SMARCC1: variants seen among roughly 807,000 people sequenced by gnomAD.
SMARCC1 encodes SWI/SNF related BAF chromatin remodeling complex subunit C1.
SMARCC1 carries 43 observed loss-of-function variants against 147.4 expected under a neutral mutation model. That is an observed-to-expected ratio of 0.29 (90% CI 0.23 to 0.38). The LOEUF is 0.38. Among genes scored for constraint, SMARCC1 ranks in the 10% least tolerant of loss-of-function variants. SMARCC1 has a pLI of 1.00. For synonymous variants in SMARCC1, 495 were observed against 484.4 expected (o/e 1.02, Z -0.29); for missense variants, 1,119 against 1,381.1 (o/e 0.81, Z 3.01).
At chr3:47,711,387 TATAC>T (rs980318619) in intron 8 of SMARCC1, among the ~76,000 whole-genome samples, 56 of 152,194 alleles carry the variant, frequency 3.7e-4, no homozygotes, top group African/African-American at 1.3e-3. Flanking sequence ...TAGATGTATA[TATAC>T]ATATAGATAG....
chr3:47,646,281 AG>A (rs2033120377), intron 21 of SMARCC1, among the ~76,000 whole-genome samples: 1 of 152,224 alleles, frequency 6.6e-6, no homozygotes, highest in Non-Finnish European at 1.5e-5. Context: ...AAAAAGAAAA[AG>A]TCTCTCTTTG....
chr3:47,751,600 A>G (rs1233480292), intron 2 of SMARCC1, among the ~76,000 whole-genome samples: 1 of 152,140 alleles, frequency 6.6e-6, no homozygotes, highest in East Asian at 1.9e-4. Context: ...AAATATACAT[A>G]AAAGTAGTGT....
At chr3:47,641,665 CA>C (rs1192169192) in intron 21 of SMARCC1, among the ~76,000 whole-genome samples, 5 of 151,258 alleles carry the variant, frequency 3.3e-5, no homozygotes, top group East Asian at 1.9e-4. Context: ...GATATGCTAA[CA>C]AAAAAAATCT....
At chr3:47,687,160 A>C (rs2033735972) in intron 13 of SMARCC1, among the ~76,000 whole-genome samples, 1 of 152,224 alleles carries the variant, frequency 6.6e-6, no homozygotes, top group South Asian at 2.1e-4. Flanking sequence ...AAAAGGAATA[A>C]ATTTAAAGCA....
chr3:47,679,751 A>G (rs1211648287), intron 15 of SMARCC1, among the ~76,000 whole-genome samples: 1 of 151,720 alleles, frequency 6.6e-6, no homozygotes, highest in African/African-American at 2.4e-5. Flanking sequence ...AGTCTCAACT[A>G]CGTGGGAGGC....
At position 47,727,438 on chromosome 3, in the gene SMARCC1, C is replaced by G. The variant is rs544640781; in HGVS notation, c.646+1587G>C. On this transcript the variant is annotated intron_variant, in intron 6 of 27. Transcript: ENST00000254480. ...AGGAGAATCACTTGAACCCAGGAGG[C>G]GGAGGTTGCAGTGAGCCGAGATCAC... 2.0e-5 allele frequency among the ~76,000 whole-genome samples: 3 copies of G among 151,848 alleles called. No individual in the cohort carries two copies. In the East Asian group the frequency reaches 5.8e-4, roughly 30 times the overall value.
At chr3:47,678,863 C>T (rs1007207571) in intron 15 of SMARCC1, among the ~76,000 whole-genome samples, 65 of 152,364 alleles carry the variant, frequency 4.3e-4, no homozygotes, top group African/African-American at 1.5e-3. Context: ...AATCTATGCT[C>T]TCAACCTCTG....
At chr3:47,695,241 C>T (rs1270704295) in intron 11 of SMARCC1, among the ~76,000 whole-genome samples, 5 of 152,048 alleles carry the variant, frequency 3.3e-5, no homozygotes, top group South Asian at 4.1e-4. Context: ...TGCTGAGGCA[C>T]AAGAAACGCT....
intron 8 of SMARCC1, among the ~76,000 whole-genome samples, chr3:47,713,577 C>A (rs1172410961): frequency 6.6e-6 from 1 of 151,918 alleles, no homozygotes; most frequent in African/African-American, 2.4e-5. Context: ...CTATAGGGCA[C>A]TTGACATTAT....
intron 5 of SMARCC1, among the ~76,000 whole-genome samples, chr3:47,731,471 T>C (rs1445014476): frequency 6.6e-6 from 1 of 152,230 alleles, no homozygotes; most frequent in African/African-American, 2.4e-5. Context: ...GTGTTCTTAG[T>C]GGCATCTAGA....
intron 2 of SMARCC1, among the ~76,000 whole-genome samples, chr3:47,762,465 GA>G (rs2034784230): frequency 6.6e-6 from 1 of 152,216 alleles, no homozygotes; most frequent in South Asian, 2.1e-4. Context: ...GTGTCAGAAA[GA>G]GATAGCTTAT....
chr3:47,645,906 ACT>A (rs2033115540), intron 21 of SMARCC1, among the ~76,000 whole-genome samples: 1 of 152,150 alleles, frequency 6.6e-6, no homozygotes, highest in South Asian at 2.1e-4. Flanking sequence ...ATAGAGACAG[ACT>A]CTCTATAAGT....
intron 26 of SMARCC1, 31 bp downstream of exon 26, chr3:47,610,035 G>A (rs2032539868): frequency 1.9e-6 from 3 of 1,609,464 alleles, no homozygotes; most frequent in Non-Finnish European, 2.5e-6. Context: ...GTGACCATAA[G>A]CTTTTTCCAA....
chr3:47,758,493 C>T (rs2034730494), intron 2 of SMARCC1, among the ~76,000 whole-genome samples: 1 of 151,940 alleles, frequency 6.6e-6, no homozygotes, highest in African/African-American at 2.4e-5. Flanking sequence ...TCATTCAGGA[C>T]ACCACTCCAA....
intron 20 of SMARCC1, 96 bp from the exon 21 acceptor site, chr3:47,661,551 G>T: frequency 1.0e-6 from 1 of 953,808 alleles, no homozygotes; most frequent in Non-Finnish European, 1.6e-6. Context: ...CAGTATTATT[G>T]TCTTAGGTGT....
chr3:47,643,953 G>A (rs1174420818), intron 21 of SMARCC1, among the ~76,000 whole-genome samples: 3 of 152,194 alleles, frequency 2.0e-5, no homozygotes, highest in South Asian at 4.1e-4. Flanking sequence ...CACTCTGGAA[G>A]GCTGGTGTGG....
Position 47,631,005 on chromosome 3 carries a change from CA to C in SMARCC1, c.2646+4184del, listed in dbSNP as rs200906191. ...ATTTGAGCCCAGGACATGGAGGCTACAGTGAGCTGTGATCACATCACTGCAT... is the reference window on the plus strand; with the variant it reads ...ATTTGAGCCCAGGACATGGAGGCTACGTGAGCTGTGATCACATCACTGCAT... On this transcript the variant is annotated intron_variant, in intron 24 of 27. Transcript: ENST00000254480. Among the ~76,000 whole-genome samples the C allele has an allele frequency of 8.2e-3, 1,244 of 152,136 alleles. 11 individuals are homozygous for C. The highest frequency in any genetic ancestry group is 0.011 in the Non-Finnish European group (757 of 68,004).
chr3:47,758,185 T>C (rs1489587349), intron 2 of SMARCC1, among the ~76,000 whole-genome samples: 2 of 152,146 alleles, frequency 1.3e-5, no homozygotes, highest in Middle Eastern at 3.4e-3. Context: ...AGTGGAATGA[T>C]CACTACTCAC....
chr3:47,776,846 C>T (rs1206321762), intron 1 of SMARCC1, among the ~76,000 whole-genome samples: 1 of 151,898 alleles, frequency 6.6e-6, no homozygotes, highest in Non-Finnish European at 1.5e-5. Flanking sequence ...GCGATCTCAG[C>T]TCAGCACAAC....
Sources: gnomAD v4.1 joint callset for allele counts (sites outside exome capture counted in the v4.1 genomes callset) on GRCh38, gnomAD v4.1.1 for gene constraint, MANE v1.5 for transcripts, NCBI Gene and HGNC (gene_info 2026-07-23, HGNC 2026-07-21) for gene names.